Variants in STRN4 observed in about 807,000 individuals in gnomAD.
The protein encoded by STRN4 is striatin 4, also known as striatin-4.
In STRN4, 27 loss-of-function variants were observed where a neutral mutation model predicts 77.9. The ratio of observed to expected loss-of-function variants is 0.35; its 90% CI spans 0.26 to 0.48. The LOEUF is 0.48. STRN4 is among the 20% of genes least tolerant of loss of function. The probability of loss-of-function intolerance (pLI) is 0.99; values close to 1 mark genes in which losing one functional copy is unlikely to be tolerated. For missense variants in STRN4, 798 were observed against 1,049.7 expected, an observed-to-expected ratio of 0.76 and a Z score of 3.31; for synonymous variants, 466 against 443.1, an observed-to-expected ratio of 1.05 and a Z score of -0.65.
chr19:46,738,261 A>G lies in STRN4; in HGVS notation c.387-24T>C, dbSNP rs1568404064. On this transcript the variant is annotated intron_variant, in intron 2 of 17. Coordinates refer to ENST00000263280, the MANE Select transcript of STRN4 (RefSeq NM_013403.3). This position sits in a 1 kb window ranked among gnomAD's most constrained non-coding sequence, Gnocchi z 4.5. The stretch of plus-strand genomic sequence containing the variant: ...CCCTAAAAGAGCAAATGATTAATGA[A>G]TAAGAGATGCGGGAGAGTAGACAGG... The G allele has an allele frequency of 1.9e-6, 3 of 1,606,602 alleles. No homozygotes were observed. The highest frequency in any genetic ancestry group is 4.5e-5 in the East Asian group (2 of 44,822).
chr19:46,722,868 GA>G lies in STRN4; in HGVS notation c.1847del (p.Val616AlafsTer29). ...IVASFRSGDTVLYDMEVGSAL... is the reference protein window; with the variant it reads ...IVASFRSGDTXLYDMEVGSAL... Reference sequence around the variant, plus strand: ...CACTGCCAACCTCCATGTCATACAAGACGGTGTCGCCAGAGCGGAAGGAGGC... The same window carrying G: ...CACTGCCAACCTCCATGTCATACAAGCGGTGTCGCCAGAGCGGAAGGAGGC... On this transcript the variant is annotated frameshift_variant, in exon 14 of 18. Transcript: ENST00000263280. LOFTEE classifies it high-confidence loss of function. The G allele has an allele frequency of 6.2e-7, 1 of 1,614,022 alleles. No individual in the cohort carries two copies. The highest frequency in any genetic ancestry group is 8.5e-7 in the Non-Finnish European group (1 of 1,180,044).
intron 1 of STRN4, chr19:46,740,412 T>G (rs1466251408): frequency 6.6e-6 from 1 of 152,180 alleles, no homozygotes; most frequent in African/African-American, 2.4e-5. Context: ...TATATAAACA[T>G]CCAAGGCCAG....
At chr19:46,737,860 C>G (rs556673432) in intron 3 of STRN4, among the ~76,000 whole-genome samples, 1 of 152,172 alleles carries the variant, frequency 6.6e-6, no homozygotes, top group Non-Finnish European at 1.5e-5. Flanking sequence ...TTTCCCGCAC[C>G]GTCCCCAGCA....
intron 1 of STRN4, among the ~76,000 whole-genome samples, chr19:46,745,521 A>T (rs2054567312): frequency 6.6e-6 from 1 of 151,176 alleles, no homozygotes; most frequent in Non-Finnish European, 1.5e-5. Flanking sequence ...GCCCCGAAAC[A>T]CACCGATCCC....
rs772913110 is a variant in STRN4 at position 46,725,440 on chromosome 19, C to T, written c.1424+33G>A. ...CCCTGTCACCCCCGTCCCCAGATGCCCCTGCCCCCGGCTCTGAGCTTGCTG... is the reference window on the plus strand; with the variant it reads ...CCCTGTCACCCCCGTCCCCAGATGCTCCTGCCCCCGGCTCTGAGCTTGCTG... On this transcript the variant is annotated intron_variant, in intron 10 of 17. Transcript: ENST00000263280. 3 of 1,613,716 alleles carry T rather than the reference C, an allele frequency of 1.9e-6. No individual in the cohort carries two copies. The African/African-American group carries it at 4.0e-5, about 22-fold the overall frequency.
At chr19:46,730,956 T>G in intron 5 of STRN4, 83 bp from the exon 6 acceptor site, 2 of 1,574,206 alleles carry the variant, frequency 1.3e-6, no homozygotes, top group Non-Finnish European at 1.7e-6. Flanking sequence ...CCAGGCTTGG[T>G]GGCCAGAGCC....
At chr19:46,736,773 C>A (rs772670687) in intron 4 of STRN4, 50 bp downstream of exon 4, 2 of 1,585,070 alleles carry the variant, frequency 1.3e-6, no homozygotes, top group African/African-American at 2.7e-5. Context: ...ACTTATCTCT[C>A]AAGCCAAACG....
At position 46,723,431 on chromosome 19, in the gene STRN4, T is replaced by A; in HGVS notation, c.1595-147A>T. ...TCACACCTGGTGCCCCTCGGAACTG[T>A]CCACTGCCAGGACAGCCCGGCAGCT... On this transcript the variant is annotated intron_variant, in intron 12 of 17. Transcript: ENST00000263280. This position sits in a 1 kb window ranked among gnomAD's most constrained non-coding sequence, Gnocchi z 5.5. The A allele has an allele frequency of 1.9e-6, 2 of 1,057,890 alleles. No homozygotes were observed. The highest frequency in any genetic ancestry group is 2.6e-6 in the Non-Finnish European group (2 of 754,880). The allele number at this position is 1,057,890 out of a possible 1,614,324, so 65.5% of individuals were successfully genotyped here.
chr19:46,735,131 C>T (rs912754821), intron 4 of STRN4, among the ~76,000 whole-genome samples: 4 of 151,844 alleles, frequency 2.6e-5, no homozygotes, highest in Admixed American at 6.6e-5. Context: ...CATGGTAAAA[C>T]GCTGTCTTTA....
intron 4 of STRN4, 45 bp downstream of exon 4, chr19:46,736,778 C>G: frequency 6.3e-7 from 1 of 1,595,086 alleles, no homozygotes; most frequent in Non-Finnish European, 8.6e-7. Context: ...TCTCTCAAGC[C>G]AAACGTGTCA....
At chr19:46,739,921 T>C (rs1184661588) in intron 1 of STRN4, among the ~76,000 whole-genome samples, 10 of 152,214 alleles carry the variant, frequency 6.6e-5, no homozygotes, top group Admixed American at 5.2e-4. Context: ...CTGTCCATTG[T>C]TCGCAACTTC....
chr19:46,721,013 C>T (rs929647854), intron 16 of STRN4: 22 of 402,040 alleles, frequency 5.5e-5, no homozygotes, highest in Non-Finnish European at 9.5e-5. Context: ...AGCCCCAGGG[C>T]GGCAGGGGCA....
chr19:46,740,943 G>A (rs2054463013), intron 1 of STRN4, among the ~76,000 whole-genome samples: 1 of 152,208 alleles, frequency 6.6e-6, no homozygotes, highest in Admixed American at 6.5e-5. Context: ...AGAGGACGGA[G>A]ACAAGAGCTG....
rs199734484 is a variant in STRN4 at position 46,722,876 on chromosome 19, C to T, written c.1840G>A (p.Asp614Asn). Residue 614 changes from aspartate to asparagine, a missense_variant, in exon 14 of 18, where the codon GAC becomes AAC. This residue lies in a region of STRN4 where 287 missense variants were observed against 473.8 expected (regional missense o/e 0.61). Coordinates refer to ENST00000263280, the MANE Select transcript of STRN4 (RefSeq NM_013403.3). ...ACCTCCATGTCATACAAGACGGTGTCGCCAGAGCGGAAGGAGGCCACGATG... is the reference window on the plus strand; with the variant it reads ...ACCTCCATGTCATACAAGACGGTGTTGCCAGAGCGGAAGGAGGCCACGATG... The part of the protein sequence containing the change: ...AHIVASFRSG[D>N]TVLYDMEVGS... 33 of 1,613,970 alleles carry T rather than the reference C, an allele frequency of 2.0e-5. No individual in the cohort carries two copies. The East Asian group carries it at 5.1e-4, about 25-fold the overall frequency.
chr19:46,726,957 A>T (rs1054276780), intron 9 of STRN4, among the ~76,000 whole-genome samples: 1 of 152,128 alleles, frequency 6.6e-6, no homozygotes, highest in Non-Finnish European at 1.5e-5. Context: ...TGAATCTCAC[A>T]GCAGTCCCCA....
At chr19:46,743,683 T>C (rs2054514795) in intron 1 of STRN4, among the ~76,000 whole-genome samples, 1 of 152,132 alleles carries the variant, frequency 6.6e-6, no homozygotes, top group Non-Finnish European at 1.5e-5. Flanking sequence ...GTGGATCTCT[T>C]GAGGCCAGGA....
chr19:46,727,187 T>C (rs1396304977), intron 9 of STRN4, among the ~76,000 whole-genome samples: 1 of 152,126 alleles, frequency 6.6e-6, no homozygotes, highest in Non-Finnish European at 1.5e-5. Context: ...AGGGGGTGGC[T>C]ACAGGTCATC....
intron 1 of STRN4, among the ~76,000 whole-genome samples, chr19:46,745,410 C>T (rs1386990224): frequency 2.0e-5 from 3 of 152,162 alleles, no homozygotes; most frequent in Non-Finnish European, 2.9e-5. Flanking sequence ...AAAGTTTCTC[C>T]TCAGAGGGGA....
rs1458184230 is a variant in STRN4 at position 46,733,708 on chromosome 19, T to C, written c.540-472A>G. 6.3e-6 allele frequency: 1 copy of C among 157,484 alleles called. No homozygotes were observed. Among genetic ancestry groups the C allele is most frequent in the Non-Finnish European group, 1.4e-5 (1 of 70,844 alleles). The allele number at this position is 157,484 out of a possible 1,614,324, so 9.8% of individuals were successfully genotyped here. ...ACCACACGCAAACACACGTTTGTAT[T>C]ATGTCCCCCAAGAGGCCTAGAAAGA... On this transcript the variant is annotated intron_variant, in intron 4 of 17. Coordinates refer to ENST00000263280, the MANE Select transcript of STRN4 (RefSeq NM_013403.3). The surrounding 1 kb of genome is among the most constrained non-coding windows in gnomAD (Gnocchi z 4.3).
Sources: allele counts gnomAD v4.1 joint callset (sites outside exome capture counted in the v4.1 genomes callset), GRCh38; gene constraint gnomAD v4.1.1; regional missense constraint gnomAD v4.1.1; non-coding constraint Gnocchi (gnomAD v3.1); transcripts MANE v1.5; gene names NCBI Gene and HGNC (gene_info 2026-07-23, HGNC 2026-07-21).